CBLN2: variants seen among roughly 807,000 people sequenced by gnomAD.
CBLN2 encodes cerebellin 2 precursor.
CBLN2 carries 7 observed loss-of-function variants against 15.0 expected under a neutral mutation model. The ratio of observed to expected loss-of-function variants is 0.47; its 90% CI spans 0.27 to 0.88. The LOEUF (loss-of-function observed/expected upper bound fraction) is 0.88. Ranked by LOEUF, CBLN2 falls within the 40% of genes least tolerant of loss-of-function variation. CBLN2 has a pLI of 0.14. For missense variants in CBLN2, 242 were observed against 304.5 expected, an observed-to-expected ratio of 0.79 and a Z score of 1.53; for synonymous variants, 149 against 135.2, an observed-to-expected ratio of 1.10 and a Z score of -0.71.
chr18:72,583,581 A>G (rs974755073), intron 1 of CBLN2, among the ~76,000 whole-genome samples: 1 of 152,222 alleles, frequency 6.6e-6, no homozygotes, highest in Non-Finnish European at 1.5e-5. Flanking sequence ...ATAGATTATC[A>G]TAAAATTTAT....
chr18:72,600,887 C>G (rs943922809), intron 1 of CBLN2, among the ~76,000 whole-genome samples: 1 of 152,056 alleles, frequency 6.6e-6, no homozygotes, highest in Admixed American at 6.5e-5. Context: ...TAGGTGGGGT[C>G]ACATGACCTG....
intron 1 of CBLN2, among the ~76,000 whole-genome samples, chr18:72,609,473 T>C (rs1483164238): frequency 6.6e-6 from 1 of 152,018 alleles, no homozygotes; most frequent in Non-Finnish European, 1.5e-5. Flanking sequence ...AAACCAGGCA[T>C]GCTGACACCT....
chr18:72,610,466 C>T (rs1381916291), intron 1 of CBLN2, among the ~76,000 whole-genome samples: 1 of 152,094 alleles, frequency 6.6e-6, no homozygotes, highest in African/African-American at 2.4e-5. Flanking sequence ...CTATTTTTCA[C>T]TGCTCTGATA....
intron 1 of CBLN2, among the ~76,000 whole-genome samples, chr18:72,634,950 A>C (rs2069802465): frequency 6.6e-6 from 1 of 152,104 alleles, no homozygotes; most frequent in African/African-American, 2.4e-5. Context: ...CTTTGATCAA[A>C]TTGACCAAAG....
Position 72,543,339 on chromosome 18 carries a change from T to C in CBLN2, c.-167+147A>G, listed in dbSNP as rs1403460649. ...CAGAGAAGTTGGCTCTTGATAAATATCCGCTGTCCGCAGCCCCGATCCTAC... is the reference window on the plus strand; with the variant it reads ...CAGAGAAGTTGGCTCTTGATAAATACCCGCTGTCCGCAGCCCCGATCCTAC... On this transcript the variant is annotated intron_variant, in intron 2 of 4. Transcript: ENST00000269503. This position sits in a 1 kb window ranked among gnomAD's most constrained non-coding sequence, Gnocchi z 6.8. The C allele has an allele frequency of 2.8e-5, 11 of 389,612 alleles. No homozygotes were observed. Among genetic ancestry groups the C allele is most frequent in the Non-Finnish European group, 5.0e-5 (11 of 220,566 alleles). 24.1% of individuals were successfully genotyped at this position (389,612 alleles called of 1,614,324 possible). A position where few individuals can be genotyped will look rare whatever the true frequency, so the allele number is the denominator to read the frequency against.
chr18:72,555,172 GA>G (rs1349506754), intron 1 of CBLN2, among the ~76,000 whole-genome samples: 3 of 151,460 alleles, frequency 2.0e-5, no homozygotes, highest in Non-Finnish European at 2.9e-5. Context: ...GAGAGAGAGA[GA>G]GGGAAAAAAA....
intron 1 of CBLN2, among the ~76,000 whole-genome samples, chr18:72,636,394 T>C (rs2069812799): frequency 6.6e-6 from 1 of 152,188 alleles, no homozygotes. Flanking sequence ...AAATTAATGA[T>C]TAAGTGCCAA....
At chr18:72,626,616 C>A (rs1261440915) in intron 1 of CBLN2, among the ~76,000 whole-genome samples, 5 of 152,076 alleles carry the variant, frequency 3.3e-5, no homozygotes, top group Non-Finnish European at 7.3e-5. Flanking sequence ...AGGAGAATTG[C>A]TTGAACCCAG....
At position 72,543,600 on chromosome 18, in the gene CBLN2, G is replaced by A. The variant is rs1239612353; in HGVS notation, c.-211-70C>T. ...CACGGAGCGCGACCCTGCTCCCAGC[G>A]CGTGGCCAATAACCGCGCCGCCCCG... On this transcript the variant is annotated intron_variant, in intron 1 of 4. Coordinates refer to ENST00000269503, the MANE Select transcript of CBLN2 (RefSeq NM_182511.4). The surrounding 1 kb of genome is among the most constrained non-coding windows in gnomAD (Gnocchi z 6.8). 2.5e-6 allele frequency: 1 copy of A among 395,006 alleles called. No homozygotes were observed. The highest frequency in any genetic ancestry group is 6.4e-4 in the Middle Eastern group (1 of 1,574). The allele number at this position is 395,006 out of a possible 1,614,324, so 24.5% of individuals were successfully genotyped here. A position where few individuals can be genotyped will look rare whatever the true frequency, so the allele number is the denominator to read the frequency against.
intron 1 of CBLN2, chr18:72,630,928 A>C (rs8096052): frequency 0.42 from 63,702 of 151,906 alleles, 13,999 homozygotes; most frequent in East Asian, 0.62. Flanking sequence ...ATTGAATTCT[A>C]AAGCACTGAA....
At chr18:72,576,470 G>A (rs11661663) in intron 1 of CBLN2, among the ~76,000 whole-genome samples, 86,951 of 152,074 alleles carry the variant, frequency 0.57, 29,527 homozygotes, top group East Asian at 0.8. Context: ...CAAATAAAAG[G>A]AGCACTCTTT....
intron 1 of CBLN2, among the ~76,000 whole-genome samples, chr18:72,622,633 G>A (rs2069708816): frequency 6.6e-6 from 1 of 152,136 alleles, no homozygotes; most frequent in African/African-American, 2.4e-5. Flanking sequence ...ACATAAGAAT[G>A]CCTGTGTGGT....
At chr18:72,559,249 T>C (rs1211336759) in intron 1 of CBLN2, among the ~76,000 whole-genome samples, 1 of 152,164 alleles carries the variant, frequency 6.6e-6, no homozygotes, top group Non-Finnish European at 1.5e-5. Flanking sequence ...CAATCAGCAG[T>C]GGGGCAGCCA....
At chr18:72,593,847 A>C (rs2069496088) in intron 1 of CBLN2, among the ~76,000 whole-genome samples, 1 of 152,204 alleles carries the variant, frequency 6.6e-6, no homozygotes. Flanking sequence ...AGTTTACTGC[A>C]GCACTGTTCA....
chr18:72,605,313 C>T (rs1269417333), intron 1 of CBLN2, among the ~76,000 whole-genome samples: 1 of 151,994 alleles, frequency 6.6e-6, no homozygotes, highest in Non-Finnish European at 1.5e-5. Context: ...TTTACTTCTC[C>T]CCTTGGTAGA....
At chr18:72,551,987 T>C (rs2069194482) in intron 1 of CBLN2, among the ~76,000 whole-genome samples, 1 of 152,228 alleles carries the variant, frequency 6.6e-6, no homozygotes, top group Non-Finnish European at 1.5e-5. Context: ...TATGTGATTG[T>C]GTTACCCAGT....
intron 1 of CBLN2, chr18:72,638,216 C>A (rs2144987458): frequency 2.5e-6 from 1 of 397,644 alleles, no homozygotes; most frequent in East Asian, 3.6e-5. Context: ...ACATTTAGTC[C>A]TTAATTATTT....
intron 1 of CBLN2, among the ~76,000 whole-genome samples, chr18:72,583,896 C>A (rs1411981542): frequency 1.3e-5 from 2 of 152,178 alleles, no homozygotes; most frequent in Non-Finnish European, 2.9e-5. Context: ...CACTTGAAAG[C>A]CATTGATCTC....
chr18:72,624,022 TC>T (rs1787101454), intron 1 of CBLN2, among the ~76,000 whole-genome samples: 2 of 152,234 alleles, frequency 1.3e-5, no homozygotes, highest in South Asian at 4.2e-4. Context: ...TTTAGAAACA[TC>T]CTCAACAAGA....
Sources: allele counts gnomAD v4.1 joint callset (sites outside exome capture counted in the v4.1 genomes callset), GRCh38; gene constraint gnomAD v4.1.1; non-coding constraint Gnocchi (gnomAD v3.1); transcripts MANE v1.5; gene names NCBI Gene and HGNC (gene_info 2026-07-23, HGNC 2026-07-21).